The following RBFOX1 variants were observed in gnomAD, a reference collection of about 807,000 sequenced individuals.
RBFOX1 encodes the protein RNA binding protein fox-1 homolog 1.
RBFOX1 carries 8 observed loss-of-function variants against 57.7 expected under a neutral mutation model. That is an observed-to-expected ratio of 0.14 (90% CI 0.08 to 0.25). The LOEUF is 0.25. Ranked by LOEUF, RBFOX1 falls within the 10% of genes least tolerant of loss-of-function variation. RBFOX1 has a pLI of 1.00. For synonymous variants in RBFOX1, 326 were observed against 222.4 expected, an observed-to-expected ratio of 1.47 and a Z score of -4.15; for missense variants, 611 against 548.5, an observed-to-expected ratio of 1.11 and a Z score of -1.14.
At chr16:6,906,011 C>T (rs553341435) in intron 3 of RBFOX1, among the ~76,000 whole-genome samples, 22 of 152,294 alleles carry the variant, frequency 1.4e-4, no homozygotes, top group African/African-American at 4.6e-4. Flanking sequence ...AATCCTCTGC[C>T]TTCCTCTGGT....
chr16:6,966,477 C>G (rs1254771524), intron 3 of RBFOX1, among the ~76,000 whole-genome samples: 4 of 152,068 alleles, frequency 2.6e-5, no homozygotes, highest in Admixed American at 2.0e-4. Context: ...ATCCACGGAG[C>G]ATGATCACAG....
intron 3 of RBFOX1, among the ~76,000 whole-genome samples, chr16:7,007,606 C>T (rs920039945): frequency 1.3e-5 from 2 of 152,158 alleles, no homozygotes; most frequent in African/African-American, 2.4e-5. Context: ...CCATCTTTGA[C>T]TGTTTTAGTC....
chr16:6,921,929 G>C (rs1373717425), intron 3 of RBFOX1, among the ~76,000 whole-genome samples: 8 of 152,112 alleles, frequency 5.3e-5, no homozygotes, highest in African/African-American at 1.9e-4. Context: ...GGGATCATTG[G>C]CAGTCACCTT....
At chr16:7,255,061 T>C (rs569059931) in intron 4 of RBFOX1, among the ~76,000 whole-genome samples, 2 of 152,262 alleles carry the variant, frequency 1.3e-5, no homozygotes, top group East Asian at 3.9e-4. Context: ...TTTAATATTT[T>C]ATTCATAATA....
chr16:5,712,534 C>G (rs1005594072), intron 3 of RBFOX1, among the ~76,000 whole-genome samples: 5 of 152,194 alleles, frequency 3.3e-5, no homozygotes, highest in Admixed American at 1.3e-4. Flanking sequence ...CAGAGAATGA[C>G]TGTTAGCGGC....
chr16:7,564,540 C>CA (rs5815409), intron 5 of RBFOX1, among the ~76,000 whole-genome samples: 11,998 of 81,500 alleles, frequency 0.15, 2,895 homozygotes, highest in East Asian at 0.36. Context: ...GACTCCATCT[C>CA]AAAAAAAAAA....
intron 2 of RBFOX1, among the ~76,000 whole-genome samples, chr16:5,585,841 A>T (rs114789245): frequency 6.6e-6 from 1 of 152,230 alleles, no homozygotes; most frequent in East Asian, 1.9e-4. Flanking sequence ...GAAGTAGAAC[A>T]AAATTCTTGG....
At chr16:6,281,617 G>A (rs1287827660) in intron 1 of RBFOX1, among the ~76,000 whole-genome samples, 6 of 152,098 alleles carry the variant, frequency 3.9e-5, no homozygotes, top group African/African-American at 7.2e-5. Context: ...GGAGAACACC[G>A]AGTAAAAAAT....
At chr16:5,901,208 G>T (rs1166702224) in intron 4 of RBFOX1, among the ~76,000 whole-genome samples, 2 of 152,130 alleles carry the variant, frequency 1.3e-5, no homozygotes, top group Non-Finnish European at 2.9e-5. Context: ...GTATGTGGGG[G>T]CTACTTCTTA....
chr16:6,019,799 T>C lies in RBFOX1; in HGVS notation c.-320T>C. On this transcript the variant is annotated 5_prime_UTR_variant, in exon 1 of 16. Transcript: ENST00000550418. The surrounding 1 kb of genome is among the most constrained non-coding windows in gnomAD (Gnocchi z 4.2). ...CCAGGGTCCCCGCCTGTCCGGACCC[T>C]CGCCGCGCCCAGGCAGGCGCGCCAG... 6.7e-6 allele frequency: 10 copies of C among 1,482,914 alleles called. No individual in the cohort carries two copies. The highest frequency in any genetic ancestry group is 2.1e-5 in the Admixed American group (1 of 47,556). The allele number at this position is 1,482,914 out of a possible 1,614,324, so 91.9% of individuals were successfully genotyped here.
chr16:5,279,629 G>A (rs1404180444), intron 1 of RBFOX1, among the ~76,000 whole-genome samples: 5 of 152,112 alleles, frequency 3.3e-5, no homozygotes, highest in Non-Finnish European at 7.4e-5. Context: ...AGCCTCCCAA[G>A]TAGCTGGGAT....
intron 4 of RBFOX1, among the ~76,000 whole-genome samples, chr16:7,348,619 A>G (rs145211664): frequency 3.3e-4 from 50 of 152,326 alleles, no homozygotes; most frequent in African/African-American, 1.2e-3. Context: ...AAAGAAGAGA[A>G]AGTAGCAAAA....
chr16:6,982,508 G>C (rs939766028), intron 3 of RBFOX1, among the ~76,000 whole-genome samples: 3 of 152,156 alleles, frequency 2.0e-5, no homozygotes, highest in African/African-American at 4.8e-5. Context: ...TCCTGGAGTA[G>C]TCTCAGACGG....
intron 4 of RBFOX1, among the ~76,000 whole-genome samples, chr16:7,131,071 A>G (rs2070217715): frequency 6.6e-6 from 1 of 152,154 alleles, no homozygotes; most frequent in Non-Finnish European, 1.5e-5. Context: ...CTGGCCGGGC[A>G]TGGTGGATCA....
intron 3 of RBFOX1, among the ~76,000 whole-genome samples, chr16:6,960,973 CAAAAAAA>C (rs1168858782): frequency 1.7e-4 from 6 of 36,158 alleles, no homozygotes; most frequent in African/African-American, 2.6e-4. Flanking sequence ...ACTGAAAATA[CAAAAAAA>C]AAAAAAAAAA....
At chr16:7,657,903 C>T (rs879987) in intron 12 of RBFOX1, among the ~76,000 whole-genome samples, 148,110 of 152,308 alleles carry the variant, frequency 0.97, 72,160 homozygotes, top group East Asian at 1. Flanking sequence ...GTCTACATAG[C>T]CTATGGAATT....
chr16:5,845,018 AC>A (rs1355982743), intron 3 of RBFOX1, among the ~76,000 whole-genome samples: 13 of 152,182 alleles, frequency 8.5e-5, no homozygotes. Context: ...TGTAATGAGA[AC>A]CAAAAAGCAT....
At chr16:7,710,159 C>A in intron 15 of RBFOX1, 1 of 1,028,328 alleles carries the variant, frequency 9.7e-7, no homozygotes, top group South Asian at 3.9e-5. Flanking sequence ...GATCAGATTC[C>A]ATACAGCTTA....
chr16:6,923,401 G>C (rs2074916989), intron 3 of RBFOX1, among the ~76,000 whole-genome samples: 1 of 152,108 alleles, frequency 6.6e-6, no homozygotes, highest in African/African-American at 2.4e-5. Context: ...GGCATGGTGG[G>C]GAACACTTGT....
Sources: allele counts gnomAD v4.1 joint callset (sites outside exome capture counted in the v4.1 genomes callset), GRCh38; gene constraint gnomAD v4.1.1; non-coding constraint Gnocchi (gnomAD v3.1); transcripts MANE v1.5; gene names NCBI Gene and HGNC (gene_info 2026-07-23, HGNC 2026-07-21).